The following CR1L variants were observed in gnomAD, a reference collection of about 807,000 sequenced individuals.
The protein encoded by CR1L is complement C3b/C4b receptor 1 like, also known as complement component receptor 1-like protein.
A neutral mutation model predicts 62.3 loss-of-function variants in CR1L; 59 were observed. The ratio of observed to expected loss-of-function variants is 0.95; its 90% CI spans 0.77 to 1.18. The LOEUF is 1.18. CR1L is among the 50% of genes most tolerant of loss of function. The pLI, the probability that CR1L is intolerant of heterozygous loss-of-function variation, is 0.00. For missense variants in CR1L, 700 were observed against 702.8 expected (o/e 1.00, Z 0.04); for synonymous variants, 279 against 248.7 (o/e 1.12, Z -1.15).
At chr1:207,685,334 T>A (rs1375744164) in intron 4 of CR1L, among the ~76,000 whole-genome samples, 2 of 152,214 alleles carry the variant, frequency 1.3e-5, no homozygotes, top group Non-Finnish European at 1.5e-5. Context: ...CTGCTCTGGG[T>A]CTATAAACTA....
chr1:207,704,036 G>C (rs1012261054), intron 9 of CR1L, among the ~76,000 whole-genome samples: 9 of 152,216 alleles, frequency 5.9e-5, no homozygotes, highest in African/African-American at 2.2e-4. Context: ...TCCTCTGATG[G>C]ATCTGAACAA....
intron 1 of CR1L, among the ~76,000 whole-genome samples, chr1:207,676,392 C>T (rs1663692958): frequency 6.6e-6 from 1 of 152,170 alleles, no homozygotes; most frequent in Non-Finnish European, 1.5e-5. Flanking sequence ...GCATTACTGC[C>T]TGAGCTCCAC....
chr1:207,682,613 T>C (rs1212533343), intron 3 of CR1L, among the ~76,000 whole-genome samples: 2 of 152,182 alleles, frequency 1.3e-5, no homozygotes, highest in African/African-American at 4.8e-5. Flanking sequence ...CACTGTTTCG[T>C]TGTTTGAATA....
Position 207,677,561 on chromosome 1 carries a change from G to A in CR1L, c.270G>A (p.Lys90=), listed in dbSNP as rs1274396099. 1.2e-6 allele frequency: 2 copies of A among 1,612,918 alleles called. No individual in the cohort carries two copies. Among genetic ancestry groups the A allele is most frequent in the Non-Finnish European group, 8.5e-7 (1 of 1,179,574 alleles). The change falls in exon 2 of 12, where the codon AAG becomes AAA. Residue 90 remains lysine, a synonymous_variant. Coordinates refer to ENST00000508064, the MANE Select transcript of CR1L (RefSeq NM_175710.2). The stretch of plus-strand genomic sequence containing the variant: ...CAGTCTGGACAAGTGCTAAGGACAA[G>A]TGCAAACGTAAGTAACTCTGGAGTG... ...KNSVWTSAKD[K]CKRKSCRNPP...
chr1:207,648,196 C>G (rs961075145), intron 1 of CR1L, among the ~76,000 whole-genome samples: 3 of 104,978 alleles, frequency 2.9e-5, no homozygotes, highest in Admixed American at 8.9e-5. Context: ...CACACACACA[C>G]ACACACACAG....
chr1:207,672,866 G>T (rs989156998), intron 1 of CR1L, among the ~76,000 whole-genome samples: 3 of 152,108 alleles, frequency 2.0e-5, no homozygotes, highest in African/African-American at 2.4e-5. Flanking sequence ...GTAGATGTAT[G>T]ATTTATATTA....
In CR1L at chr1:207,677,188, G is replaced by A. The variant is rs1445872867; in HGVS notation, c.98-201G>A. Among the ~76,000 whole-genome samples, 4 of 151,736 alleles carry A rather than the reference G, an allele frequency of 2.6e-5. No homozygotes were observed. The East Asian group carries it at 7.8e-4, about 29-fold the overall frequency. On this transcript the variant is annotated intron_variant, in intron 1 of 11. Transcript: ENST00000508064. ...AATTCAAAAATTAGCCGGATGTGAT[G>A]GCAGGCGCCTGTAATCCCATCTACT...
intron 10 of CR1L, among the ~76,000 whole-genome samples, chr1:207,712,457 G>T (rs755874688): frequency 5.6e-4 from 85 of 152,222 alleles, no homozygotes; most frequent in Non-Finnish European, 1.0e-4. Context: ...GAGGCCTTCA[G>T]CAGGCATAGG....
At chr1:207,707,061 G>A (rs1191932680) in intron 9 of CR1L, among the ~76,000 whole-genome samples, 1 of 152,150 alleles carries the variant, frequency 6.6e-6, no homozygotes, top group African/African-American at 2.4e-5. Flanking sequence ...TGTATCAAGT[G>A]TATATATCTA....
At chr1:207,664,677 C>T (rs1376172772) in intron 1 of CR1L, among the ~76,000 whole-genome samples, 1 of 152,118 alleles carries the variant, frequency 6.6e-6, no homozygotes, top group Non-Finnish European at 1.5e-5. Context: ...TTATAAAACA[C>T]TGATCTAGCT....
chr1:207,720,795 G>T (rs956155034), intron 11 of CR1L, among the ~76,000 whole-genome samples: 1 of 152,084 alleles, frequency 6.6e-6, no homozygotes, highest in Non-Finnish European at 1.5e-5. Context: ...TCTTAAGAGA[G>T]GCTTAAAGAA....
intron 9 of CR1L, among the ~76,000 whole-genome samples, chr1:207,702,035 A>G (rs1664200643): frequency 6.6e-6 from 1 of 152,116 alleles, no homozygotes; most frequent in South Asian, 2.1e-4. Flanking sequence ...ATTTTATTGT[A>G]CTTCACAGAT....
At chr1:207,645,452 C>A in intron 1 of CR1L, 122 bp downstream of exon 1, 3 of 1,115,788 alleles carry the variant, frequency 2.7e-6, no homozygotes, top group Non-Finnish European at 4.0e-6. Flanking sequence ...GAGAGCGAGG[C>A]CAGGGTTCTC....
intron 1 of CR1L, among the ~76,000 whole-genome samples, chr1:207,667,207 T>C (rs1288199596): frequency 6.6e-6 from 1 of 152,224 alleles, no homozygotes; most frequent in Non-Finnish European, 1.5e-5. Flanking sequence ...TGGTTTCCTA[T>C]TGCTACTGTA....
chr1:207,676,190 G>T (rs1296297387), intron 1 of CR1L, among the ~76,000 whole-genome samples: 7 of 152,108 alleles, frequency 4.6e-5, no homozygotes, highest in African/African-American at 7.2e-5. Context: ...AGTGAAAGAT[G>T]ATATAAATAG....
chr1:207,690,075 G>T (rs918023691), intron 4 of CR1L, among the ~76,000 whole-genome samples: 2 of 151,602 alleles, frequency 1.3e-5, no homozygotes, highest in African/African-American at 4.8e-5. Flanking sequence ...TAACTTTCTT[G>T]TTTTTTCTTT....
chr1:207,645,790 G>C (rs1447274430), intron 1 of CR1L, among the ~76,000 whole-genome samples: 1 of 152,134 alleles, frequency 6.6e-6, no homozygotes, highest in African/African-American at 2.4e-5. Context: ...CAGTACCCGC[G>C]GTAAGGGTTG....
intron 1 of CR1L, among the ~76,000 whole-genome samples, chr1:207,676,570 G>A (rs1353788700): frequency 6.6e-6 from 1 of 152,114 alleles, no homozygotes; most frequent in Non-Finnish European, 1.5e-5. Flanking sequence ...CTCCATTCAC[G>A]TAAAAATTGT....
At chr1:207,647,036 T>G (rs1663138591) in intron 1 of CR1L, among the ~76,000 whole-genome samples, 1 of 151,486 alleles carries the variant, frequency 6.6e-6, no homozygotes, top group African/African-American at 2.4e-5. Context: ...CACACGTACA[T>G]GCAGGAAGAT....
Sources: allele counts gnomAD v4.1 joint callset (sites outside exome capture counted in the v4.1 genomes callset), GRCh38; gene constraint gnomAD v4.1.1; transcripts MANE v1.5; gene names NCBI Gene and HGNC (gene_info 2026-07-23, HGNC 2026-07-21).